Variants in CLCN4 observed in about 807,000 individuals in gnomAD.
CLCN4 encodes Cl-/H+ antiporter 4, also known as H(+)/Cl(-) exchange transporter 4.
CLCN4 carries 1 observed loss-of-function variant against 41.7 expected under a neutral mutation model. The observed-to-expected ratio is 0.02, with a 90% confidence interval of 0.01 to 0.11. The LOEUF (loss-of-function observed/expected upper bound fraction) is 0.11. CLCN4 is among the 10% of genes least tolerant of loss of function. The pLI is 1.00. For synonymous variants in CLCN4, 277 were observed against 285.8 expected, an observed-to-expected ratio of 0.97 and a Z score of 0.31; for missense variants, 287 against 661.0, an observed-to-expected ratio of 0.43 and a Z score of 6.20.
chrX:10,212,361 C>A, intron 9 of CLCN4, 106 bp from the exon 10 acceptor site: 1 of 796,091 alleles, frequency 1.3e-6, no homozygotes, highest in Non-Finnish European at 1.8e-6. Flanking sequence ...CCTCTGAAGA[C>A]TGAAGCTAAA....
intron 11 of CLCN4, among the ~76,000 whole-genome samples, chrX:10,219,405 G>A (rs1388270766): frequency 8.9e-6 from 1 of 112,369 alleles, no homozygotes; most frequent in African/African-American, 3.2e-5. Context: ...GTTTAGGAGA[G>A]AAGTACGTAG....
At chrX:10,188,730 A>G (rs1391481291) in intron 4 of CLCN4, among the ~76,000 whole-genome samples, 1 of 112,432 alleles carries the variant, frequency 8.9e-6, no homozygotes, top group Non-Finnish European at 1.9e-5. Flanking sequence ...CACAGGCAGA[A>G]TATATGTAGT....
rs770044114 is a variant in CLCN4, at chrX:10,220,728, C to T, written c.2043C>T (p.Pro681=). The T allele has an allele frequency of 1.9e-5, 23 of 1,211,625 alleles. 1 individual carries two copies. The South Asian group carries it at 3.0e-4, about 16-fold the overall frequency. The change falls in exon 12 of 13, where the codon CCC becomes CCT. Residue 681 remains proline, a synonymous_variant. Transcript: ENST00000380833. ...NSIMYFTEEP[P]ELPANSPHPL... The stretch of plus-strand genomic sequence containing the variant: ...TCATGTACTTCACGGAGGAACCCCC[C>T]GAGCTGCCGGCCAACAGCCCACATC...
chrX:10,210,007 T>C (rs1924503719), intron 9 of CLCN4, among the ~76,000 whole-genome samples: 1 of 111,550 alleles, frequency 9.0e-6, no homozygotes, highest in Non-Finnish European at 1.9e-5. Context: ...TCATTCCCCA[T>C]TTTTCCCTCC....
At position 10,187,580 on chromosome X, in the gene CLCN4, A is replaced by T. The variant is rs147134396; in HGVS notation, c.210A>T (p.Gly70=). Reference sequence around the variant, plus strand: ...AGAGCCTGCTGGATGCCTGGTCGGGATGGGTGGTGATGCTGCTCATCGGCC... The same window carrying T: ...AGAGCCTGCTGGATGCCTGGTCGGGTTGGGTGGTGATGCTGCTCATCGGCC... ...FIKSLLDAWS[G]WVVMLLIGLL... is the part of the protein sequence containing the mutation. The change falls in exon 4 of 13, where the codon GGA becomes GGT. Residue 70 remains glycine, a synonymous_variant. Transcript: ENST00000380833. 1.7e-5 allele frequency: 20 copies of T among 1,209,099 alleles called. No homozygotes were observed. The African/African-American group carries it at 2.3e-4, about 14-fold the overall frequency.
chrX:10,165,552 TCCTGGGTGCTGGG>T (rs914686175), intron 2 of CLCN4, among the ~76,000 whole-genome samples: 2 of 111,636 alleles, frequency 1.8e-5, no homozygotes, highest in Non-Finnish European at 3.8e-5. Context: ...CTGCTCCTGG[TCCTGGGTGCTGGG>T]CCTGCGGCTC....
intron 2 of CLCN4, among the ~76,000 whole-genome samples, chrX:10,161,341 C>T (rs1923096298): frequency 8.9e-6 from 1 of 111,814 alleles, no homozygotes; most frequent in African/African-American, 3.3e-5. Flanking sequence ...CCACGGACAT[C>T]CCAGGGCAGG....
At chrX:10,217,227 A>G (rs760264374) in intron 11 of CLCN4, among the ~76,000 whole-genome samples, 1 of 109,523 alleles carries the variant, frequency 9.1e-6, no homozygotes, top group Non-Finnish European at 1.9e-5. Flanking sequence ...CAGCCTCCGG[A>G]GAAGCTAGGA....
chrX:10,186,151 G>A (rs903620872), intron 3 of CLCN4, among the ~76,000 whole-genome samples: 2 of 111,072 alleles, frequency 1.8e-5, no homozygotes, highest in African/African-American at 6.6e-5. Flanking sequence ...GACTGCGGAG[G>A]AGGCCATTGA....
At chrX:10,175,787 G>A (rs1168843619) in intron 2 of CLCN4, among the ~76,000 whole-genome samples, 18 of 110,422 alleles carry the variant, frequency 1.6e-4, no homozygotes, top group African/African-American at 6.6e-5. Flanking sequence ...CGAGGCACCC[G>A]GAATCTTGAA....
intron 6 of CLCN4, among the ~76,000 whole-genome samples, chrX:10,204,047 A>AT (rs1924307994): frequency 8.9e-6 from 1 of 111,789 alleles, no homozygotes; most frequent in Non-Finnish European, 1.9e-5. Context: ...CATTCAGTCC[A>AT]TTTCAGCCAA....
intron 4 of CLCN4, among the ~76,000 whole-genome samples, chrX:10,191,624 T>C (rs1319949213): frequency 1.8e-5 from 2 of 109,853 alleles, no homozygotes; most frequent in Admixed American, 2.0e-4. Context: ...AGACTGGGCT[T>C]GAGCAATCTG....
intron 6 of CLCN4, among the ~76,000 whole-genome samples, chrX:10,202,475 A>AC (rs1211052291): frequency 9.6e-6 from 1 of 103,998 alleles, no homozygotes; most frequent in Non-Finnish European, 2.0e-5. Context: ...TCTGTCTCAT[A>AC]AAAAAAAAAT....
At chrX:10,232,368 A>G (rs971056263) in intron 12 of CLCN4, among the ~76,000 whole-genome samples, 6 of 112,533 alleles carry the variant, frequency 5.3e-5, no homozygotes, top group Non-Finnish European at 9.4e-5. Context: ...CCTTAATTAA[A>G]TAAATGACAG....
At chrX:10,204,151 G>T (rs1294887083) in intron 6 of CLCN4, among the ~76,000 whole-genome samples, 2 of 111,894 alleles carry the variant, frequency 1.8e-5, no homozygotes, top group Non-Finnish European at 3.8e-5. Flanking sequence ...GAGGCCCTTG[G>T]TGTATGAAGT....
At chrX:10,215,658 G>A (rs1924685896) in intron 11 of CLCN4, among the ~76,000 whole-genome samples, 1 of 111,765 alleles carries the variant, frequency 8.9e-6, no homozygotes, top group Non-Finnish European at 1.9e-5. Context: ...AAAAACTAAG[G>A]TAATAAATGT....
intron 2 of CLCN4, among the ~76,000 whole-genome samples, chrX:10,166,197 C>T (rs1398891776): frequency 8.9e-6 from 1 of 111,894 alleles, no homozygotes; most frequent in African/African-American, 3.2e-5. Flanking sequence ...AAGTCCTAAC[C>T]TTCAGTACTT....
intron 8 of CLCN4, among the ~76,000 whole-genome samples, chrX:10,207,216 C>T (rs769831631): frequency 3.6e-5 from 4 of 112,393 alleles, no homozygotes; most frequent in Admixed American, 9.4e-5. Context: ...CCACAATACC[C>T]GGCCACCAGC....
intron 5 of CLCN4, among the ~76,000 whole-genome samples, 176 bp from the exon 6 acceptor site, chrX:10,197,763 A>G (rs750192213): frequency 8.9e-6 from 1 of 111,859 alleles, no homozygotes; most frequent in East Asian, 2.8e-4. Flanking sequence ...TACTGACTGT[A>G]GCAATAGCAA....
Sources: gnomAD v4.1 joint callset for allele counts (sites outside exome capture counted in the v4.1 genomes callset) on GRCh38, gnomAD v4.1.1 for gene constraint, MANE v1.5 for transcripts, NCBI Gene and HGNC (gene_info 2026-07-23, HGNC 2026-07-21) for gene names.